MDGA2: variants seen among roughly 807,000 people sequenced by gnomAD.
MDGA2 encodes MAM domain-containing glycosylphosphatidylinositol anchor protein 2.
A neutral mutation model predicts 117.8 loss-of-function variants in MDGA2; 40 were observed. The ratio of observed to expected loss-of-function variants is 0.34; its 90% CI spans 0.26 to 0.44. The LOEUF (loss-of-function observed/expected upper bound fraction) is 0.44, where lower values mean the gene tolerates loss of function less well. Among genes scored for constraint, MDGA2 ranks in the 20% least tolerant of loss-of-function variants. The pLI is 1.00. For synonymous variants in MDGA2, 452 were observed against 439.0 expected (o/e 1.03, Z -0.37); for missense variants, 1,123 against 1,250.6 (o/e 0.90, Z 1.54).
intron 3 of MDGA2, among the ~76,000 whole-genome samples, chr14:47,177,317 T>C (rs1469363398): frequency 2.6e-5 from 4 of 151,926 alleles, no homozygotes; most frequent in African/African-American, 9.7e-5. Flanking sequence ...ACCCAAAGGA[T>C]TATAAATCAT....
intron 2 of MDGA2, among the ~76,000 whole-genome samples, chr14:47,276,970 A>G (rs1888329261): frequency 6.6e-6 from 1 of 152,194 alleles, no homozygotes; most frequent in Admixed American, 6.5e-5. Context: ...AGACTAAAAT[A>G]CCATACCACA....
chr14:47,596,568 C>T (rs973098773), intron 1 of MDGA2, among the ~76,000 whole-genome samples: 1 of 152,098 alleles, frequency 6.6e-6, no homozygotes, highest in African/African-American at 2.4e-5. Flanking sequence ...CCAGGAAGCC[C>T]GTTTTATCCT....
chr14:47,016,295 C>T (rs1212969099), intron 8 of MDGA2, among the ~76,000 whole-genome samples: 4 of 151,920 alleles, frequency 2.6e-5, no homozygotes, highest in African/African-American at 7.2e-5. Context: ...TCCTTCATAA[C>T]ATGAGGTCCA....
At chr14:47,569,745 T>C (rs759941529) in intron 1 of MDGA2, among the ~76,000 whole-genome samples, 3 of 152,232 alleles carry the variant, frequency 2.0e-5, no homozygotes, top group Non-Finnish European at 4.4e-5. Flanking sequence ...ACTAAAAGAA[T>C]AATCCAATGG....
chr14:47,633,171 T>A (rs1398590646), intron 1 of MDGA2, among the ~76,000 whole-genome samples: 2 of 148,716 alleles, frequency 1.3e-5, no homozygotes, highest in Admixed American at 6.9e-5. Flanking sequence ...CTGTCATTGT[T>A]CCCATTACAT....
chr14:47,056,276 G>A (rs747102556), intron 7 of MDGA2, among the ~76,000 whole-genome samples: 4 of 152,012 alleles, frequency 2.6e-5, no homozygotes, highest in Admixed American at 6.6e-5. Flanking sequence ...CTGTAGTCCT[G>A]TGTTATCAAC....
intron 2 of MDGA2, among the ~76,000 whole-genome samples, chr14:47,286,396 A>C (rs1594773563): frequency 6.6e-6 from 1 of 151,518 alleles, no homozygotes; most frequent in Admixed American, 6.6e-5. Context: ...TCCCCTTCCC[A>C]CCCTCTGGTA....
intron 1 of MDGA2, among the ~76,000 whole-genome samples, chr14:47,581,997 G>A (rs2138841672): frequency 6.6e-6 from 1 of 151,948 alleles, no homozygotes; most frequent in East Asian, 1.9e-4. Flanking sequence ...ACTTCTGCAA[G>A]CTTATTCAAT....
chr14:47,314,333 T>G (rs942035284), intron 1 of MDGA2, among the ~76,000 whole-genome samples: 9 of 152,156 alleles, frequency 5.9e-5, no homozygotes, highest in Admixed American at 4.6e-4. Flanking sequence ...CATACACAGA[T>G]AGTATGTACA....
rs1044603947 is a variant in MDGA2 at position 47,122,776 on chromosome 14, C to G, written c.925+8938G>C. 4.6e-5 allele frequency among the ~76,000 whole-genome samples: 7 copies of G among 151,964 alleles called. No individual in the cohort carries two copies. The East Asian group carries it at 1.2e-3, about 25-fold the overall frequency. On this transcript the variant is annotated intron_variant, in intron 5 of 16. Coordinates refer to ENST00000399232, the MANE Select transcript of MDGA2 (RefSeq NM_001113498.3). ...AGTATTTCACTAGACCAGTAAAACT[C>G]TGAAAAGAACCAAGCTGTGGTCTAC...
chr14:47,174,244 CAG>C (rs1884326934), intron 3 of MDGA2, among the ~76,000 whole-genome samples: 1 of 152,112 alleles, frequency 6.6e-6, no homozygotes, highest in Admixed American at 6.6e-5. Flanking sequence ...ATCAACGAGA[CAG>C]AAAGTTAACA....
chr14:47,135,642 A>C lies in MDGA2; in HGVS notation c.793-3796T>G, dbSNP rs375023572. 1.3e-3 allele frequency among the ~76,000 whole-genome samples: 201 copies of C among 152,050 alleles called. 1 individual carries two copies. The highest frequency in any genetic ancestry group is 4.6e-3 in the African/African-American group (190 of 41,474). ...CAGGGGGTGGGCGGGGTCAAGGTTT[A>C]AGGGCTAGAAAACCTTGAATTGTTC... On this transcript the variant is annotated intron_variant, in intron 4 of 16. Transcript: ENST00000399232.
intron 8 of MDGA2, among the ~76,000 whole-genome samples, chr14:47,025,825 A>AT (rs1888452843): frequency 6.6e-6 from 1 of 152,028 alleles, no homozygotes; most frequent in South Asian, 2.1e-4. Flanking sequence ...AGGAGCATTC[A>AT]TTTTCCTCCA....
chr14:46,976,992 C>G (rs1886486485), intron 8 of MDGA2, among the ~76,000 whole-genome samples: 1 of 151,784 alleles, frequency 6.6e-6, no homozygotes, highest in African/African-American at 2.4e-5. Flanking sequence ...GAATTTAAGA[C>G]AGAAGTCAAA....
At chr14:47,646,634 G>C (rs754950925) in intron 1 of MDGA2, among the ~76,000 whole-genome samples, 1 of 152,262 alleles carries the variant, frequency 6.6e-6, no homozygotes, top group African/African-American at 2.4e-5. Flanking sequence ...GTGCAGCTGA[G>C]AATGCATATG....
At position 46,957,593 on chromosome 14, in the gene MDGA2, G is replaced by T. The variant is rs762439461; in HGVS notation, c.1870C>A (p.Arg624=). The T allele has an allele frequency of 3.1e-6, 5 of 1,614,124 alleles. No homozygotes were observed. The East Asian group carries it at 1.1e-4, about 36-fold the overall frequency. The change falls in exon 9 of 17, where the codon CGA becomes AGA. Residue 624 remains arginine, a synonymous_variant. Coordinates refer to ENST00000399232, the MANE Select transcript of MDGA2 (RefSeq NM_001113498.3). ...ACTCTGCAACTCATAGTGACACTTC[G>T]ATCCTGTCCTTGCCGGATTTCCAAG... ...AFLEIRQGQD[R]SVTMSCRVLR... is the part of the protein sequence containing the mutation.
At chr14:46,878,486 A>G (rs1485893190) in intron 11 of MDGA2, among the ~76,000 whole-genome samples, 3 of 152,054 alleles carry the variant, frequency 2.0e-5, no homozygotes, top group African/African-American at 7.2e-5. Flanking sequence ...TTTGTGCAAC[A>G]GTAATAAACT....
intron 8 of MDGA2, among the ~76,000 whole-genome samples, chr14:46,959,753 A>T (rs1009586334): frequency 6.6e-6 from 1 of 152,022 alleles, no homozygotes; most frequent in South Asian, 2.1e-4. Context: ...CTCTGTTTCT[A>T]CTACTCCGAT....
At chr14:47,347,599 G>T (rs1355587656) in intron 1 of MDGA2, among the ~76,000 whole-genome samples, 1 of 152,122 alleles carries the variant, frequency 6.6e-6, no homozygotes, top group Non-Finnish European at 1.5e-5. Context: ...TTGGAAAATT[G>T]TTTGTTCAGA....
Sources: allele counts gnomAD v4.1 joint callset (sites outside exome capture counted in the v4.1 genomes callset), GRCh38; gene constraint gnomAD v4.1.1; transcripts MANE v1.5; gene names NCBI Gene and HGNC (gene_info 2026-07-23, HGNC 2026-07-21).